PSMD14: variants seen among roughly 807,000 people sequenced by gnomAD.
PSMD14 encodes the protein proteasome 26S subunit, non-ATPase 14.
PSMD14 carries 7 observed loss-of-function variants against 41.2 expected under a neutral mutation model. That is an observed-to-expected ratio of 0.17 (90% CI 0.10 to 0.32). The LOEUF (loss-of-function observed/expected upper bound fraction) is 0.32, where lower values mean the gene tolerates loss of function less well. PSMD14 is among the 10% of genes least tolerant of loss of function. The probability of loss-of-function intolerance (pLI) is 1.00; values close to 1 mark genes in which losing one functional copy is unlikely to be tolerated. For synonymous variants in PSMD14, 114 were observed against 122.3 expected (o/e 0.93, Z 0.45); for missense variants, 139 against 375.6 (o/e 0.37, Z 5.21).
intron 11 of PSMD14, among the ~76,000 whole-genome samples, 193 bp from the exon 12 acceptor site, chr2:161,411,105 ATTAT>A (rs1170870351): frequency 6.6e-6 from 1 of 152,114 alleles, no homozygotes; most frequent in Non-Finnish European, 1.5e-5. Flanking sequence ...TGTGTAATCT[ATTAT>A]TTTATTAGCT....
At chr2:161,376,881 G>T (rs1683509970) in intron 7 of PSMD14, among the ~76,000 whole-genome samples, 1 of 151,904 alleles carries the variant, frequency 6.6e-6, no homozygotes, top group Admixed American at 6.6e-5. Context: ...ATTTGCATCA[G>T]TGTTCAGCCA....
chr2:161,340,751 A>C (rs571474472), intron 3 of PSMD14: 47 of 1,610,454 alleles, frequency 2.9e-5, no homozygotes, highest in Admixed American at 1.3e-4. Context: ...TTTCCATTTT[A>C]TCTCTCAAGC....
At chr2:161,365,405 TG>T (rs1461931392) in intron 3 of PSMD14, among the ~76,000 whole-genome samples, 1 of 152,196 alleles carries the variant, frequency 6.6e-6, no homozygotes, top group Non-Finnish European at 1.5e-5. Flanking sequence ...TTCTAAGTAC[TG>T]GTTATATATA....
chr2:161,360,366 GTT>G (rs34061827), intron 3 of PSMD14, among the ~76,000 whole-genome samples: 1,778 of 131,552 alleles, frequency 0.014, 29 homozygotes, highest in African/African-American at 0.046. Flanking sequence ...CTTTCATATT[GTT>G]TTTTTTTTTT....
chr2:161,329,205 A>T (rs1235384677), intron 3 of PSMD14, among the ~76,000 whole-genome samples: 1 of 152,162 alleles, frequency 6.6e-6, no homozygotes, highest in Non-Finnish European at 1.5e-5. Context: ...AGATGAAGCT[A>T]CCACAATAAT....
chr2:161,400,162 G>C (rs1683856566), intron 10 of PSMD14, among the ~76,000 whole-genome samples: 1 of 152,138 alleles, frequency 6.6e-6, no homozygotes, highest in South Asian at 2.1e-4. Context: ...AAGGTAGAAA[G>C]GTATGTCTCA....
At chr2:161,393,555 G>A (rs890859341) in intron 9 of PSMD14, among the ~76,000 whole-genome samples, 1 of 152,104 alleles carries the variant, frequency 6.6e-6, no homozygotes, top group African/African-American at 2.4e-5. Context: ...ACCACAAATA[G>A]CTGTAAACTT....
Position 161,316,529 on chromosome 2 carries a change from A to G in PSMD14, c.-45A>G, listed in dbSNP as rs566854478. 1 of 152,346 alleles carries G rather than the reference A, an allele frequency of 6.6e-6. No individual in the cohort carries two copies. The highest frequency in any genetic ancestry group is 2.1e-4 in the South Asian group (1 of 4,832). 9.4% of individuals were successfully genotyped at this position (152,346 alleles called of 1,614,324 possible). On this transcript the variant is annotated 5_prime_UTR_variant, in exon 2 of 12. Transcript: ENST00000409682. ...AAGAAGACATTTGTCAAACTCAACA[A>G]ATTGAAGGTTAACACCTTAAGAGTT...
chr2:161,331,562 T>C (rs554649010), intron 3 of PSMD14, among the ~76,000 whole-genome samples: 1 of 152,124 alleles, frequency 6.6e-6, no homozygotes, highest in Non-Finnish European at 1.5e-5. Flanking sequence ...CTGGCCTCTT[T>C]GGATATTTTA....
intron 3 of PSMD14, among the ~76,000 whole-genome samples, chr2:161,319,409 G>A (rs913246133): frequency 2.6e-5 from 4 of 151,996 alleles, no homozygotes; most frequent in African/African-American, 9.7e-5. Context: ...TAAGCTTTCA[G>A]TTGTTTTAAT....
chr2:161,383,741 A>C (rs1225574150), intron 7 of PSMD14: 1 of 151,576 alleles, frequency 6.6e-6, no homozygotes, highest in Admixed American at 6.6e-5. Context: ...CTAAATATTT[A>C]CTGTTAACAG....
chr2:161,381,027 A>T (rs1000252283), intron 7 of PSMD14, among the ~76,000 whole-genome samples: 13 of 151,898 alleles, frequency 8.6e-5, no homozygotes, highest in African/African-American at 3.1e-4. Context: ...TCATTTTTAT[A>T]ATCATTTAGA....
At chr2:161,387,584 A>G (rs1683649891) in intron 8 of PSMD14, among the ~76,000 whole-genome samples, 1 of 152,046 alleles carries the variant, frequency 6.6e-6, no homozygotes, top group Non-Finnish European at 1.5e-5. Flanking sequence ...CTGCTATTTA[A>G]TAACTTGGGG....
At chr2:161,370,067 A>G (rs1052300230) in intron 5 of PSMD14, 40 bp from the exon 6 acceptor site, 44 of 1,459,630 alleles carry the variant, frequency 3.0e-5, no homozygotes, top group Non-Finnish European at 3.6e-5. Flanking sequence ...TTTTTTCCAA[A>G]TTTACAAAAA....
In PSMD14 at chr2:161,371,967, CT is replaced by C. The variant is rs529718395; in HGVS notation, c.462+657del. On this transcript the variant is annotated intron_variant, in intron 7 of 11. Coordinates refer to ENST00000409682, the MANE Select transcript of PSMD14 (RefSeq NM_005805.6). ...CTCTTTTTTTGTTCATTCATTCTTT[CT>C]TTTTTTTTTTTATTTCTTTCTTTCT... 1.6e-3 allele frequency among the ~76,000 whole-genome samples: 230 copies of C among 145,140 alleles called. 1 individual carries two copies. Among genetic ancestry groups the C allele is most frequent in the African/African-American group, 3.5e-3 (140 of 39,902 alleles).
intron 3 of PSMD14, among the ~76,000 whole-genome samples, chr2:161,325,465 G>A (rs1049815747): frequency 6.6e-6 from 1 of 152,136 alleles, no homozygotes; most frequent in Admixed American, 6.5e-5. Flanking sequence ...TTTGTCTCAG[G>A]TTTTGGTCTA....
intron 10 of PSMD14, among the ~76,000 whole-genome samples, chr2:161,404,853 G>C (rs1406902394): frequency 6.6e-6 from 1 of 152,074 alleles, no homozygotes; most frequent in Non-Finnish European, 1.5e-5. Context: ...CCTTTGCTAT[G>C]AGCATTTCCA....
chr2:161,337,713 A>C (rs989173980), intron 3 of PSMD14, among the ~76,000 whole-genome samples: 3 of 152,152 alleles, frequency 2.0e-5, no homozygotes, highest in Non-Finnish European at 4.4e-5. Flanking sequence ...TAAGTAGTAT[A>C]TTTTTCAAAG....
chr2:161,369,247 C>T lies in PSMD14; in HGVS notation c.241-860C>T, dbSNP rs1057086404. ...AATAAAAGATTTTGATCCCTATATT[C>T]ACTCTAATTCTATTTTCTAGTGTCA... On this transcript the variant is annotated intron_variant, in intron 5 of 11. Coordinates refer to ENST00000409682, the MANE Select transcript of PSMD14 (RefSeq NM_005805.6). Among the ~76,000 whole-genome samples, 15 of 152,108 alleles carry T rather than the reference C, an allele frequency of 9.9e-5. 1 individual carries two copies. In the Middle Eastern group the frequency reaches 0.024, roughly 243 times the overall value.
Sources: gnomAD v4.1 joint callset for allele counts (sites outside exome capture counted in the v4.1 genomes callset) on GRCh38, gnomAD v4.1.1 for gene constraint, MANE v1.5 for transcripts, NCBI Gene and HGNC (gene_info 2026-07-23, HGNC 2026-07-21) for gene names.